The following DNAJB6 variants were observed in gnomAD, a reference collection of about 807,000 sequenced individuals.
The protein encoded by DNAJB6 is dnaJ homolog subfamily B member 6.
Under a neutral mutation model 42.7 loss-of-function variants are expected in DNAJB6, and 16 were observed. The ratio of observed to expected loss-of-function variants is 0.37; its 90% confidence interval spans 0.25 to 0.57. The LOEUF (loss-of-function observed/expected upper bound fraction) is 0.57, where lower values mean the gene tolerates loss of function less well. Among genes scored for constraint, DNAJB6 ranks in the 20% least tolerant of loss-of-function variants. DNAJB6 has a pLI of 0.74. For missense variants in DNAJB6, 347 were observed against 416.8 expected (o/e 0.83, Z 1.46); for synonymous variants, 170 against 163.5 (o/e 1.04, Z -0.30).
intron 8 of DNAJB6, among the ~76,000 whole-genome samples, chr7:157,408,392 G>A (rs1795849046): frequency 6.6e-6 from 1 of 152,230 alleles, no homozygotes; most frequent in Admixed American, 6.5e-5. Flanking sequence ...TTCCAGAAAC[G>A]ATGGAGCCCT....
At chr7:157,382,462 T>G in intron 6 of DNAJB6, 85 bp downstream of exon 6, 1 of 1,432,678 alleles carries the variant, frequency 7.0e-7, no homozygotes, top group African/African-American at 1.4e-5. Flanking sequence ...TTAGAGTGCT[T>G]TAAAATATGT....
At chr7:157,388,711 C>T (rs948180081) in intron 8 of DNAJB6, among the ~76,000 whole-genome samples, 3 of 151,926 alleles carry the variant, frequency 2.0e-5, no homozygotes, top group African/African-American at 7.3e-5. Flanking sequence ...GTGCTGCTGT[C>T]ACCCAAGCAG....
chr7:157,382,216 T>C (rs776104560), intron 5 of DNAJB6, 30 bp from the exon 6 acceptor site: 1 of 1,559,440 alleles, frequency 6.4e-7, no homozygotes, highest in Non-Finnish European at 8.6e-7. Context: ...AAAAAAAGAC[T>C]TCATAGTGTG....
intron 5 of DNAJB6, among the ~76,000 whole-genome samples, chr7:157,376,021 C>T (rs1006763798): frequency 2.6e-5 from 4 of 152,104 alleles, no homozygotes; most frequent in African/African-American, 9.7e-5. Flanking sequence ...TCCTGGGCCG[C>T]GGCTGGGAGT....
At chr7:157,343,781 A>G (rs1798541709) in intron 1 of DNAJB6, among the ~76,000 whole-genome samples, 1 of 151,996 alleles carries the variant, frequency 6.6e-6, no homozygotes. Flanking sequence ...AAAGTCCTAA[A>G]CTTAGAGGTC....
chr7:157,346,684 T>G (rs905922678), intron 1 of DNAJB6, among the ~76,000 whole-genome samples: 5 of 152,190 alleles, frequency 3.3e-5, no homozygotes. Flanking sequence ...AGGTAACCTT[T>G]CATGGAGTTT....
At chr7:157,409,391 T>G (rs1184274407) in intron 8 of DNAJB6, among the ~76,000 whole-genome samples, 1 of 152,128 alleles carries the variant, frequency 6.6e-6, no homozygotes, top group African/African-American at 2.4e-5. Context: ...GTGTATGGAC[T>G]CAGGAGGAAA....
intron 8 of DNAJB6, among the ~76,000 whole-genome samples, chr7:157,405,044 C>T (rs898660492): frequency 1.3e-5 from 2 of 152,218 alleles, no homozygotes; most frequent in African/African-American, 2.4e-5. Context: ...CTCAGAACTG[C>T]AGGCATGTTG....
intron 5 of DNAJB6, among the ~76,000 whole-genome samples, chr7:157,371,673 T>G (rs527614056): frequency 6.6e-6 from 1 of 152,366 alleles, no homozygotes; most frequent in Non-Finnish European, 1.5e-5. Flanking sequence ...GCAAATGAGC[T>G]CTTGTCGAAA....
At chr7:157,352,353 T>A (rs118019483) in intron 1 of DNAJB6, among the ~76,000 whole-genome samples, 3,481 of 151,970 alleles carry the variant, frequency 0.023, 57 homozygotes, top group East Asian at 0.056. Context: ...TATATATATA[T>A]AATTTTCTTT....
chr7:157,383,122 T>A (rs1287219858), intron 6 of DNAJB6, among the ~76,000 whole-genome samples: 2 of 152,166 alleles, frequency 1.3e-5, no homozygotes, highest in African/African-American at 2.4e-5. Context: ...TTCTTGTGCC[T>A]CAGCCTCCTG....
intron 1 of DNAJB6, among the ~76,000 whole-genome samples, chr7:157,348,033 T>G (rs1351699900): frequency 6.6e-6 from 1 of 151,952 alleles, no homozygotes; most frequent in African/African-American, 2.4e-5. Context: ...TGACCTCAGG[T>G]GATCCACCTA....
intron 8 of DNAJB6, among the ~76,000 whole-genome samples, chr7:157,389,496 A>G (rs1405434483): frequency 6.6e-6 from 1 of 152,216 alleles, no homozygotes; most frequent in Non-Finnish European, 1.5e-5. Flanking sequence ...ACTGAATTAC[A>G]TAACCCACTG....
intron 8 of DNAJB6, among the ~76,000 whole-genome samples, chr7:157,405,337 G>A (rs1009328): frequency 0.65 from 98,278 of 152,000 alleles, 32,034 homozygotes; most frequent in South Asian, 0.74. Context: ...TCTGTGTGGC[G>A]CCTGCTTCCA....
At chr7:157,393,791 T>G (rs367619812) in intron 8 of DNAJB6, among the ~76,000 whole-genome samples, 72 of 151,608 alleles carry the variant, frequency 4.7e-4, no homozygotes, top group Admixed American at 4.5e-3. Flanking sequence ...ATGATCAGAT[T>G]GGGGTTAATG....
chr7:157,397,035 G>A (rs1801620602), intron 8 of DNAJB6, among the ~76,000 whole-genome samples: 2 of 152,158 alleles, frequency 1.3e-5, no homozygotes, highest in African/African-American at 2.4e-5. Flanking sequence ...CTCGGCTGAG[G>A]GATGCTGTCC....
intron 1 of DNAJB6, among the ~76,000 whole-genome samples, chr7:157,355,226 C>G (rs576241600): frequency 2.6e-5 from 4 of 152,334 alleles, no homozygotes; most frequent in Admixed American, 1.3e-4. Context: ...CGGGCGCGAT[C>G]TCGGCTCACT....
At chr7:157,364,553 C>T (rs528349042) in intron 3 of DNAJB6, among the ~76,000 whole-genome samples, 9 of 152,094 alleles carry the variant, frequency 5.9e-5, no homozygotes, top group East Asian at 1.9e-4. Flanking sequence ...AGCACCATTG[C>T]GCCAGGCTTG....
chr7:157,350,582 C>T (rs1008858720), intron 1 of DNAJB6, among the ~76,000 whole-genome samples: 2 of 152,046 alleles, frequency 1.3e-5, no homozygotes, highest in Admixed American at 1.3e-4. Flanking sequence ...GTGTGGATGC[C>T]TTATGAGTCA....
Sources: gnomAD v4.1 joint callset for allele counts (sites outside exome capture counted in the v4.1 genomes callset) on GRCh38, gnomAD v4.1.1 for gene constraint, MANE v1.5 for transcripts, NCBI Gene and HGNC (gene_info 2026-07-23, HGNC 2026-07-21) for gene names.